The following DSC2 variants were observed in gnomAD, a reference collection of about 807,000 sequenced individuals.
DSC2 encodes the protein desmocollin-2.
In DSC2, 51 loss-of-function variants were observed where a neutral mutation model predicts 87.6. The observed-to-expected ratio is 0.58, with a 90% CI of 0.46 to 0.74. The LOEUF (loss-of-function observed/expected upper bound fraction) is 0.74. Among genes scored for constraint, DSC2 ranks in the 30% least tolerant of loss-of-function variants. The probability of loss-of-function intolerance (pLI) is 0.00; values close to 1 mark genes in which losing one functional copy is unlikely to be tolerated. For missense variants in DSC2, 1,066 were observed against 1,089.5 expected (o/e 0.98, Z 0.30); for synonymous variants, 383 against 393.2 (o/e 0.97, Z 0.31).
At chr18:31,068,413 T>C in intron 15 of DSC2, 1 of 1,514,492 alleles carries the variant, frequency 6.6e-7, no homozygotes, top group Non-Finnish European at 9.2e-7. Context: ...ATAGCATGTT[T>C]CTAAAAGTCA....
In DSC2 at chr18:31,070,791, G is replaced by T. The variant is rs1422818892; in HGVS notation, c.2185C>A (p.Pro729Thr). The T allele has an allele frequency of 6.2e-6, 10 of 1,613,926 alleles. No individual in the cohort carries two copies. Among genetic ancestry groups the T allele is most frequent in the Non-Finnish European group, 8.5e-6 (10 of 1,179,896 alleles). The change falls in exon 14 of 16, where the codon CCT (proline) becomes ACT (threonine). Residue 729 changes from proline to threonine, a missense_variant. By Grantham distance (38) the Pro-to-Thr change is conservative. Transcript: ENST00000280904. ...AGGTTCTGCTGGGCTAAATCATCAGGAATTACTTTTGGTTGTTTAGACGTC... is the reference window on the plus strand; with the variant it reads ...AGGTTCTGCTGGGCTAAATCATCAGTAATTACTTTTGGTTGTTTAGACGTC... ...SGTSKQPKVI[P>T]DDLAQQNLIV...
chr18:31,082,111 G>T, intron 9 of DSC2, 127 bp downstream of exon 9: 1 of 810,366 alleles, frequency 1.2e-6, no homozygotes, highest in East Asian at 2.7e-5. Context: ...ATGAAGAACA[G>T]AGCATTTGCA....
intron 1 of DSC2, chr18:31,101,079 G>T: frequency 1.9e-6 from 1 of 534,514 alleles, no homozygotes; most frequent in Non-Finnish European, 2.4e-6. Context: ...GCAAGGGGCG[G>T]TGGCGCGGGG....
In DSC2 at chr18:31,062,633, A is replaced by G. The variant is rs1031461930; in HGVS notation, c.*5382T>C. 1.3e-5 allele frequency: 2 copies of G among 152,182 alleles called. No individual in the cohort carries two copies. Among genetic ancestry groups the G allele is most frequent in the Admixed American group, 6.5e-5 (1 of 15,268 alleles). The allele number at this position is 152,182 out of a possible 1,614,324, so 9.4% of individuals were successfully genotyped here. ...CTACTGCTCTACATGTTAGGCATAC[A>G]GTGGTCAAGAAGACAGAGGAGAACC... On this transcript the variant is annotated 3_prime_UTR_variant, in exon 16 of 16. Coordinates refer to ENST00000280904, the MANE Select transcript of DSC2 (RefSeq NM_024422.6).
At chr18:31,090,007 C>A (rs927282018) in intron 4 of DSC2, among the ~76,000 whole-genome samples, 1 of 151,746 alleles carries the variant, frequency 6.6e-6, no homozygotes, top group African/African-American at 2.4e-5. Flanking sequence ...GTCTGCAGGG[C>A]AAAAATGTGG....
chr18:31,090,534 C>G (rs1461853632), intron 4 of DSC2, among the ~76,000 whole-genome samples: 1 of 151,324 alleles, frequency 6.6e-6, no homozygotes, highest in Non-Finnish European at 1.5e-5. Flanking sequence ...CCAGCCTAAG[C>G]AACATAGTGA....
rs1986919480 is a variant in DSC2, at chr18:31,073,991, C to T, written c.1888+692G>A. On this transcript the variant is annotated intron_variant, in intron 12 of 15. Transcript: ENST00000280904. Reference sequence around the variant, plus strand: ...TTTCAAAGAAGGACTTGCATCCCAGCTGCTTGGGAGGCCATCAGCACCTTC... The same window carrying T: ...TTTCAAAGAAGGACTTGCATCCCAGTTGCTTGGGAGGCCATCAGCACCTTC... 2.0e-5 allele frequency among the ~76,000 whole-genome samples: 3 copies of T among 152,342 alleles called. No homozygotes were observed. The East Asian group carries it at 5.8e-4, about 29-fold the overall frequency.
In DSC2 at chr18:31,068,095, G is replaced by T; in HGVS notation, c.2626C>A (p.Gln876Lys). The change falls in exon 16 of 16, where the codon CAA (glutamine) becomes AAA (lysine). Residue 876 changes from glutamine to lysine, a missense_variant. Gln to Lys is a moderately conservative substitution (Grantham distance 53). Transcript: ENST00000280904. ...AGSVGCCSERQEEDGLEFLDN... is the reference protein window; with the variant it reads ...AGSVGCCSERKEEDGLEFLDN... ...AAAAATTCAAGCCCATCTTCTTCTT[G>T]TCGTTCACTGCAACAACCTACAGAC... The T allele has an allele frequency of 6.2e-7, 1 of 1,613,894 alleles. No individual in the cohort carries two copies. The highest frequency in any genetic ancestry group is 8.5e-7 in the Non-Finnish European group (1 of 1,179,970).
chr18:31,077,669 T>A (rs546960976), intron 11 of DSC2, among the ~76,000 whole-genome samples: 5 of 152,334 alleles, frequency 3.3e-5, no homozygotes, highest in African/African-American at 1.2e-4. Flanking sequence ...AATGTCAGCA[T>A]AAAATGCTCA....
Position 31,092,137 on chromosome 18 carries a change from C to A in DSC2, c.318G>T (p.Lys106Asn), listed in dbSNP as rs769350996. 1 of 1,613,070 alleles carries A rather than the reference C, an allele frequency of 6.2e-7. No homozygotes were observed. The highest frequency in any genetic ancestry group is 1.1e-5 in the South Asian group (1 of 90,994). ...ILLSNTENQEKKKIFVFLEHQ... is the reference protein window; with the variant it reads ...ILLSNTENQENKKIFVFLEHQ... ...GCTCCAAAAAGACAAATATTTTCTT[C>A]TTTTCTTGGTTCTCAGTGTTGGAAA... Residue 106 changes from lysine to asparagine, a missense_variant, in exon 3 of 16, where the codon AAG (lysine) becomes AAT (asparagine). Physicochemically the swap from Lys to Asn is moderately conservative, Grantham distance 94. Coordinates refer to ENST00000280904, the MANE Select transcript of DSC2 (RefSeq NM_024422.6).
intron 1 of DSC2, among the ~76,000 whole-genome samples, chr18:31,099,524 G>A (rs929032658): frequency 6.6e-6 from 1 of 151,260 alleles, no homozygotes; most frequent in African/African-American, 2.4e-5. Context: ...ACCAAAAAAA[G>A]ACAACAGAAA....
chr18:31,093,036 T>C (rs939299045), intron 2 of DSC2, among the ~76,000 whole-genome samples: 3 of 152,208 alleles, frequency 2.0e-5, no homozygotes, highest in Non-Finnish European at 4.4e-5. Flanking sequence ...TTACAAATGA[T>C]AATATACTAC....
chr18:31,064,400 A>G lies in DSC2; in HGVS notation c.*3615T>C, dbSNP rs1567969166. ...CTACATATGACTGCACTGGGAAGGC[A>G]TCAAATGACTACAGTACAAACAAAG... is the stretch of plus-strand genomic sequence containing the variant. On this transcript the variant is annotated 3_prime_UTR_variant, in exon 16 of 16. Transcript: ENST00000280904. 1 of 152,212 alleles carries G rather than the reference A, an allele frequency of 6.6e-6. No individual in the cohort carries two copies. The highest frequency in any genetic ancestry group is 1.5e-5 in the Non-Finnish European group (1 of 68,044). The allele number at this position is 152,212 out of a possible 1,614,324, so 9.4% of individuals were successfully genotyped here.
Position 31,089,420 on chromosome 18 carries a change from C to T in DSC2, c.630+19G>A, listed in dbSNP as rs750910749. 2.7e-5 allele frequency: 43 copies of T among 1,613,096 alleles called. 1 individual carries two copies. In the Admixed American group the frequency reaches 5.0e-4, roughly 19 times the overall value. On this transcript the variant is annotated intron_variant, in intron 5 of 15. Coordinates refer to ENST00000280904, the MANE Select transcript of DSC2 (RefSeq NM_024422.6). ...AAGCATCATCATTGCTAATACAGTA[C>T]ACACATTTTAGACTTTACCTCAAAA...
rs1298814005 is a variant in DSC2 at position 31,065,358 on chromosome 18, G to A, written c.*2657C>T. Reference sequence around the variant, plus strand: ...CTCATAGAACAATAGCAGTGGCTAAGGTACATGATTGAGTGCTAACTCTAT... The same window carrying A: ...CTCATAGAACAATAGCAGTGGCTAAAGTACATGATTGAGTGCTAACTCTAT... On this transcript the variant is annotated 3_prime_UTR_variant, in exon 16 of 16. Coordinates refer to ENST00000280904, the MANE Select transcript of DSC2 (RefSeq NM_024422.6). 6.6e-6 allele frequency: 1 copy of A among 152,200 alleles called. No individual in the cohort carries two copies. The highest frequency in any genetic ancestry group is 2.4e-5 in the African/African-American group (1 of 41,438). The allele number at this position is 152,200 out of a possible 1,614,324, so 9.4% of individuals were successfully genotyped here. A position where few individuals can be genotyped will look rare whatever the true frequency, so the allele number is the denominator to read the frequency against.
At chr18:31,073,747 T>A (rs1486714042) in intron 12 of DSC2, among the ~76,000 whole-genome samples, 1 of 152,142 alleles carries the variant, frequency 6.6e-6, no homozygotes, top group East Asian at 1.9e-4. Flanking sequence ...ACGCGCCAAC[T>A]AGGGAATGAG....
rs1376662418 is a variant in DSC2 at position 31,068,216 on chromosome 18, C to T, written c.2509-4G>A. The T allele has an allele frequency of 6.2e-7, 1 of 1,613,978 alleles. No individual in the cohort carries two copies. Among genetic ancestry groups the T allele is most frequent in the African/African-American group, 1.3e-5 (1 of 75,008 alleles). On this transcript the variant is annotated splice_polypyrimidine_tract_variant and splice_region_variant and intron_variant, in intron 15 of 15. Transcript: ENST00000280904. The stretch of plus-strand genomic sequence containing the variant: ...CTTGATTACACAGATACACTTTCTG[C>T]CAAGGGGAAAAACACAACGTTTTTA...
chr18:31,076,669 G>A (rs1239186332), intron 11 of DSC2, among the ~76,000 whole-genome samples: 1 of 152,074 alleles, frequency 6.6e-6, no homozygotes, highest in Non-Finnish European at 1.5e-5. Context: ...TGGCAGAGAA[G>A]CAATAGTTAA....
rs866820010 is a variant in DSC2 at position 31,079,775 on chromosome 18, T to C, written c.1663+72A>G. 1.3e-5 allele frequency: 20 copies of C among 1,571,348 alleles called. No individual in the cohort carries two copies. In the African/African-American group the frequency reaches 2.3e-4, roughly 18 times the overall value. ...TGCATGTATCCAGCTTTAAAATGTA[T>C]ACTGTTGGCTTAAACACTGAAGATG... On this transcript the variant is annotated intron_variant, in intron 11 of 15. Transcript: ENST00000280904.
Sources: gnomAD v4.1 joint callset for allele counts (sites outside exome capture counted in the v4.1 genomes callset) on GRCh38, gnomAD v4.1.1 for gene constraint, MANE v1.5 for transcripts, NCBI Gene and HGNC (gene_info 2026-07-23, HGNC 2026-07-21) for gene names.